The following UBR3 variants were observed in gnomAD, a reference collection of about 807,000 sequenced individuals.
UBR3 encodes ubiquitin protein ligase E3 component n-recognin 3.
UBR3 carries 85 observed loss-of-function variants against 243.2 expected under a neutral mutation model. That is an observed-to-expected ratio of 0.35 (90% CI 0.29 to 0.42). The LOEUF (loss-of-function observed/expected upper bound fraction) is 0.42. UBR3 is among the 10% of genes least tolerant of loss of function. UBR3 has a pLI of 1.00. For missense variants in UBR3, 1,686 were observed against 2,300.8 expected (o/e 0.73, Z 5.47); for synonymous variants, 748 against 799.8 (o/e 0.94, Z 1.09).
At chr2:170,039,146 A>C (rs2090902797) in intron 31 of UBR3, among the ~76,000 whole-genome samples, 2 of 152,170 alleles carry the variant, frequency 1.3e-5, no homozygotes, top group Non-Finnish European at 2.9e-5. Flanking sequence ...AGGAAGATGA[A>C]CCTGTGAAGA....
rs151325873 is a variant in UBR3, at chr2:169,914,232, TAATG to T, written c.1866+90_1866+93del. The T allele has an allele frequency of 7.1e-4, 464 of 652,728 alleles. 2 individuals carry two copies. The African/African-American group carries it at 8.4e-3, about 12-fold the overall frequency. 40.4% of individuals were successfully genotyped at this position (652,728 alleles called of 1,614,324 possible). ...GTTAGATTTCATTTAATGTTGAAAA[TAATG>T]AATACTTTTTCATAGGCGAGGGAAG... On this transcript the variant is annotated intron_variant, in intron 11 of 38. Coordinates refer to ENST00000272793, the MANE Select transcript of UBR3 (RefSeq NM_172070.4).
Position 169,831,852 on chromosome 2 carries a change from A to G in UBR3, c.545+3800A>G, listed in dbSNP as rs984139867. Among the ~76,000 whole-genome samples, 5 of 152,292 alleles carry G rather than the reference A, an allele frequency of 3.3e-5. No homozygotes were observed. The East Asian group carries it at 9.7e-4, about 29-fold the overall frequency. ...ACCCCTTTAGATTGCCAAAGATTGA[A>G]TGTGTGTTGATTTTGGGGTTTTTAT... On this transcript the variant is annotated intron_variant, in intron 1 of 38. Transcript: ENST00000272793.
At chr2:169,970,390 G>A (rs1574310772) in intron 24 of UBR3, among the ~76,000 whole-genome samples, 2 of 108 alleles carry the variant, frequency 0.019, no homozygotes, top group South Asian at 0.2. Flanking sequence ...AGTTACATAT[G>A]TATACATTGT....
chr2:169,988,017 A>G (rs745923021), intron 25 of UBR3, among the ~76,000 whole-genome samples: 2 of 152,216 alleles, frequency 1.3e-5, no homozygotes, highest in Non-Finnish European at 2.9e-5. Flanking sequence ...CTTCTTGCCT[A>G]AAATGAATTG....
intron 31 of UBR3, among the ~76,000 whole-genome samples, chr2:170,030,121 A>G (rs368537938): frequency 2.0e-5 from 3 of 152,060 alleles, no homozygotes; most frequent in Admixed American, 1.3e-4. Context: ...CTCCATTTCA[A>G]TCTTTCCTCT....
intron 1 of UBR3, among the ~76,000 whole-genome samples, chr2:169,847,613 C>G (rs2082525640): frequency 6.6e-6 from 1 of 152,134 alleles, no homozygotes. Flanking sequence ...AAAAATCTTA[C>G]CCATCTACTT....
intron 1 of UBR3, among the ~76,000 whole-genome samples, chr2:169,828,765 G>A (rs1187068943): frequency 6.6e-6 from 1 of 152,164 alleles, no homozygotes; most frequent in East Asian, 1.9e-4. Flanking sequence ...AATACTGAGC[G>A]AACCAGGAAT....
intron 5 of UBR3, among the ~76,000 whole-genome samples, chr2:169,886,679 A>G (rs779211466): frequency 6.6e-5 from 10 of 152,152 alleles, no homozygotes; most frequent in Non-Finnish European, 1.0e-4. Context: ...TTAAGGCCCA[A>G]AGCTTTTTGT....
At chr2:170,030,784 CT>C (rs527253552) in intron 31 of UBR3, among the ~76,000 whole-genome samples, 184 of 152,060 alleles carry the variant, frequency 1.2e-3, no homozygotes, top group African/African-American at 4.1e-3. Context: ...TTAAAGACTG[CT>C]TTTTTCCCCC....
chr2:169,893,942 G>C (rs73011778), intron 6 of UBR3, among the ~76,000 whole-genome samples: 6,617 of 151,840 alleles, frequency 0.044, 164 homozygotes, highest in Middle Eastern at 0.068. Context: ...TTTTATCTTT[G>C]AATCTGTCAG....
At chr2:169,994,579 AAATT>A in intron 26 of UBR3, 123 bp downstream of exon 26, 3 of 1,080,402 alleles carry the variant, frequency 2.8e-6, no homozygotes, top group Non-Finnish European at 4.0e-6. Flanking sequence ...TATTAGAAAA[AAATT>A]AATATGTGGA....
intron 11 of UBR3, among the ~76,000 whole-genome samples, chr2:169,921,031 A>T (rs561394845): frequency 6.6e-6 from 1 of 152,188 alleles, no homozygotes; most frequent in African/African-American, 2.4e-5. Context: ...AGAAAGAAGA[A>T]AGTGGATTTA....
At position 169,842,652 on chromosome 2, in the gene UBR3, T is replaced by C. The variant is rs150599191; in HGVS notation, c.545+14600T>C. ...ACTCCAGACGCGCTGCCTTAAGAGC[T>C]GTAACACTCACCGTGAAGGTCTGTA... On this transcript the variant is annotated intron_variant, in intron 1 of 38. Transcript: ENST00000272793. 5.6e-3 allele frequency among the ~76,000 whole-genome samples: 846 copies of C among 151,792 alleles called. 7 individuals are homozygous for C. Among genetic ancestry groups the C allele is most frequent in the African/African-American group, 0.019 (797 of 41,308 alleles).
At chr2:169,883,556 C>T (rs532322175) in intron 5 of UBR3, among the ~76,000 whole-genome samples, 5 of 152,318 alleles carry the variant, frequency 3.3e-5, no homozygotes, top group South Asian at 2.1e-4. Context: ...TTTAAAACTT[C>T]CACAACCAGG....
intron 11 of UBR3, among the ~76,000 whole-genome samples, chr2:169,919,923 C>T (rs1389480083): frequency 1.3e-5 from 2 of 152,070 alleles, no homozygotes; most frequent in Non-Finnish European, 2.9e-5. Flanking sequence ...GGATCTAGAA[C>T]TAGAAATACC....
At chr2:169,936,509 G>A (rs1234883459) in intron 19 of UBR3, among the ~76,000 whole-genome samples, 4 of 150,302 alleles carry the variant, frequency 2.7e-5, no homozygotes, top group East Asian at 1.9e-4. Context: ...TCTAAGATGC[G>A]TTTTCTTTTT....
intron 18 of UBR3, among the ~76,000 whole-genome samples, chr2:169,929,563 G>A (rs983746201): frequency 2.6e-5 from 4 of 151,852 alleles, no homozygotes; most frequent in Admixed American, 2.0e-4. Flanking sequence ...GGCAACAAGA[G>A]TGAAACTCCA....
Position 169,890,581 on chromosome 2 carries a change from G to A in UBR3, c.1039-584G>A, listed in dbSNP as rs10203507. Among the ~76,000 whole-genome samples, 849 of 96,062 alleles carry A rather than the reference G, an allele frequency of 8.8e-3. 68 individuals are homozygous for A. The highest frequency in any genetic ancestry group is 0.025 in the African/African-American group (508 of 19,948). 63.0% of individuals were successfully genotyped at this position (96,062 alleles called of 152,430 possible). ...TATATATATGTGTATATATATATATGTATATATATATGTATATATATGTAT... is the reference window on the plus strand; with the variant it reads ...TATATATATGTGTATATATATATATATATATATATATGTATATATATGTAT... On this transcript the variant is annotated intron_variant, in intron 5 of 38. Coordinates refer to ENST00000272793, the MANE Select transcript of UBR3 (RefSeq NM_172070.4).
intron 6 of UBR3, 142 bp from the exon 7 acceptor site, chr2:169,895,039 A>G (rs2084529092): frequency 1.4e-6 from 1 of 737,316 alleles, no homozygotes; most frequent in African/African-American, 1.9e-5. Context: ...ATAGAAATCT[A>G]GCTTGTCAAT....
Sources: gnomAD v4.1 joint callset for allele counts (sites outside exome capture counted in the v4.1 genomes callset) on GRCh38, gnomAD v4.1.1 for gene constraint, MANE v1.5 for transcripts, NCBI Gene and HGNC (gene_info 2026-07-23, HGNC 2026-07-21) for gene names.